Variants in PLCXD3 observed in about 807,000 individuals in gnomAD.
PLCXD3 encodes PI-PLC X domain-containing protein 3.
Under a neutral mutation model 25.5 loss-of-function variants are expected in PLCXD3, and 19 were observed. The ratio of observed to expected loss-of-function variants is 0.75; its 90% CI spans 0.52 to 1.09. The LOEUF (loss-of-function observed/expected upper bound fraction) is 1.09. Among genes scored for constraint, PLCXD3 ranks in the 50% least tolerant of loss-of-function variants. The pLI, the probability that PLCXD3 is intolerant of heterozygous loss-of-function variation, is 0.00. For synonymous variants in PLCXD3, 174 were observed against 137.6 expected (o/e 1.26, Z -1.85); for missense variants, 411 against 388.1 (o/e 1.06, Z -0.50).
intron 1 of PLCXD3, among the ~76,000 whole-genome samples, chr5:41,411,197 CT>C (rs1746509950): frequency 6.6e-6 from 1 of 152,144 alleles, no homozygotes; most frequent in Non-Finnish European, 1.5e-5. Flanking sequence ...CCTCTGAAGC[CT>C]ATTTACCTTT....
At chr5:41,510,233 C>T (rs1739014489) in intron 1 of PLCXD3, among the ~76,000 whole-genome samples, 191 bp downstream of exon 1, 1 of 152,200 alleles carries the variant, frequency 6.6e-6, no homozygotes, top group Non-Finnish European at 1.5e-5. Flanking sequence ...CGCCTCGGTC[C>T]TTAGGGGTTT....
intron 1 of PLCXD3, 136 bp downstream of exon 1, chr5:41,510,288 G>T: frequency 1.3e-6 from 1 of 765,302 alleles, no homozygotes. Flanking sequence ...GCGCTCGCCT[G>T]GCCTGAGACC....
chr5:41,456,867 G>T (rs72758317), intron 1 of PLCXD3, among the ~76,000 whole-genome samples: 5,732 of 151,948 alleles, frequency 0.038, 173 homozygotes, highest in Non-Finnish European at 0.055. Context: ...CAAACTGTGA[G>T]AAATAAATTT....
At chr5:41,399,682 CA>C (rs200400152) in intron 1 of PLCXD3, among the ~76,000 whole-genome samples, 55 of 150,938 alleles carry the variant, frequency 3.6e-4, no homozygotes, top group African/African-American at 5.6e-4. Flanking sequence ...TTACCATATA[CA>C]AAAAAAAATC....
At chr5:41,493,259 C>T (rs1474280982) in intron 1 of PLCXD3, among the ~76,000 whole-genome samples, 4 of 152,140 alleles carry the variant, frequency 2.6e-5, no homozygotes, top group South Asian at 2.1e-4. Context: ...TTTCATGAAC[C>T]GCGAATGCTG....
intron 2 of PLCXD3, among the ~76,000 whole-genome samples, chr5:41,341,580 G>T (rs184000001): frequency 6.6e-6 from 1 of 152,118 alleles, no homozygotes; most frequent in East Asian, 1.9e-4. Context: ...CTTTTCACTT[G>T]TAAATGGATT....
intron 2 of PLCXD3, among the ~76,000 whole-genome samples, chr5:41,335,707 T>C (rs1265764802): frequency 1.3e-5 from 2 of 152,136 alleles, no homozygotes; most frequent in Non-Finnish European, 1.5e-5. Flanking sequence ...CAAGTGTTTA[T>C]TGAGTACCCA....
At chr5:41,334,168 G>A (rs1743913101) in intron 2 of PLCXD3, among the ~76,000 whole-genome samples, 1 of 152,094 alleles carries the variant, frequency 6.6e-6, no homozygotes, top group Non-Finnish European at 1.5e-5. Context: ...CTAGAGTAGA[G>A]TAATGTACTT....
chr5:41,403,401 G>GTT (rs769067580), intron 1 of PLCXD3, among the ~76,000 whole-genome samples: 1 of 18,412 alleles, frequency 5.4e-5, no homozygotes, highest in Non-Finnish European at 1.4e-4. Flanking sequence ...CTTATTTGTT[G>GTT]TTTTTTTTTT....
chr5:41,507,614 T>A (rs1301296065), intron 1 of PLCXD3, among the ~76,000 whole-genome samples: 1 of 152,212 alleles, frequency 6.6e-6, no homozygotes, highest in African/African-American at 2.4e-5. Flanking sequence ...TTTTTTGCTG[T>A]AACTCTGGGC....
intron 1 of PLCXD3, among the ~76,000 whole-genome samples, chr5:41,456,964 T>C (rs1747767560): frequency 6.6e-6 from 1 of 151,952 alleles, no homozygotes; most frequent in Non-Finnish European, 1.5e-5. Context: ...ATTTCCCTAC[T>C]GTCTTCTTAC....
At chr5:41,458,459 A>T (rs567170326) in intron 1 of PLCXD3, among the ~76,000 whole-genome samples, 1 of 152,112 alleles carries the variant, frequency 6.6e-6, no homozygotes, top group East Asian at 1.9e-4. Flanking sequence ...GTTTACCTTG[A>T]TAAGCAAAAG....
At chr5:41,435,000 T>A (rs1334347768) in intron 1 of PLCXD3, among the ~76,000 whole-genome samples, 1 of 152,222 alleles carries the variant, frequency 6.6e-6, no homozygotes, top group African/African-American at 2.4e-5. Flanking sequence ...AAAAGCAACA[T>A]GAAGAAAATT....
intron 1 of PLCXD3, among the ~76,000 whole-genome samples, chr5:41,424,377 C>G (rs901403307): frequency 6.6e-6 from 1 of 152,126 alleles, no homozygotes; most frequent in East Asian, 1.9e-4. Flanking sequence ...CCCGTCTCTA[C>G]TAAAAATACA....
rs557192496 is a variant in PLCXD3, at chr5:41,434,386, G to A, written c.104-51852C>T. 3.3e-5 allele frequency among the ~76,000 whole-genome samples: 5 copies of A among 152,296 alleles called. No individual in the cohort carries two copies. The East Asian group carries it at 5.8e-4, about 18-fold the overall frequency. ...TCACTGCATTGGAAAGCGAGGAGAT[G>A]AGCATTAAAAATGTACAATTGCAAC... is the stretch of plus-strand genomic sequence containing the variant. On this transcript the variant is annotated intron_variant, in intron 1 of 2. Coordinates refer to ENST00000377801, the MANE Select transcript of PLCXD3 (RefSeq NM_001005473.3).
At chr5:41,384,870 T>C (rs1261357894) in intron 1 of PLCXD3, among the ~76,000 whole-genome samples, 2 of 152,104 alleles carry the variant, frequency 1.3e-5, no homozygotes, top group African/African-American at 4.8e-5. Context: ...GCTTCACCAG[T>C]ATGTGTTTTG....
At chr5:41,401,011 A>AAT (rs1746169243) in intron 1 of PLCXD3, among the ~76,000 whole-genome samples, 1 of 151,796 alleles carries the variant, frequency 6.6e-6, no homozygotes, top group Non-Finnish European at 1.5e-5. Context: ...GCTAAAAAAA[A>AAT]AATAAAAAAG....
intron 1 of PLCXD3, among the ~76,000 whole-genome samples, chr5:41,398,262 C>T (rs1369454089): frequency 1.3e-5 from 2 of 152,142 alleles, no homozygotes; most frequent in African/African-American, 4.8e-5. Flanking sequence ...GGATTTCCCC[C>T]TGGCTGTTTT....
Position 41,363,225 on chromosome 5 carries a change from C to G in PLCXD3, c.812+18601G>C, listed in dbSNP as rs79804171. Among the ~76,000 whole-genome samples, 696 of 152,130 alleles carry G rather than the reference C, an allele frequency of 4.6e-3. 3 individuals carry two copies. The highest frequency in any genetic ancestry group is 0.016 in the African/African-American group (657 of 41,512). On this transcript the variant is annotated intron_variant, in intron 2 of 2. Transcript: ENST00000377801. ...AGTTACCACATGATGTGGAAATAAA[C>G]CGTTTATTAATTTGTCTCTCCCACT...
Sources: allele counts gnomAD v4.1 joint callset (sites outside exome capture counted in the v4.1 genomes callset), GRCh38; gene constraint gnomAD v4.1.1; transcripts MANE v1.5; gene names NCBI Gene and HGNC (gene_info 2026-07-23, HGNC 2026-07-21).